The following STK32B variants were observed in gnomAD, a reference collection of about 807,000 sequenced individuals.
STK32B encodes the protein serine/threonine kinase 32B.
STK32B carries 43 observed loss-of-function variants against 52.6 expected under a neutral mutation model. That is an observed-to-expected ratio of 0.82 (90% CI 0.64 to 1.05). The LOEUF is 1.05. STK32B is among the 50% of genes least tolerant of loss of function. The pLI, the probability that STK32B is intolerant of heterozygous loss-of-function variation, is 0.00. For missense variants in STK32B, 621 were observed against 534.6 expected, an observed-to-expected ratio of 1.16 and a Z score of -1.59; for synonymous variants, 238 against 204.3, an observed-to-expected ratio of 1.17 and a Z score of -1.41.
At chr4:5,179,557 TA>T (rs1560202242) in intron 3 of STK32B, among the ~76,000 whole-genome samples, 1 of 152,102 alleles carries the variant, frequency 6.6e-6, no homozygotes, top group Non-Finnish European at 1.5e-5. Context: ...TAACAGATGA[TA>T]GATATAGATG....
intron 4 of STK32B, among the ~76,000 whole-genome samples, chr4:5,366,024 G>C (rs938210372): frequency 1.3e-5 from 2 of 151,776 alleles, no homozygotes; most frequent in African/African-American, 4.8e-5. Context: ...CTCCTGCCGT[G>C]TATTTATTTC....
At chr4:5,362,010 A>G (rs997243169) in intron 4 of STK32B, among the ~76,000 whole-genome samples, 7 of 152,216 alleles carry the variant, frequency 4.6e-5, no homozygotes, top group African/African-American at 1.7e-4. Context: ...CCATGAAACG[A>G]ACTTGAAAAT....
intron 3 of STK32B, among the ~76,000 whole-genome samples, chr4:5,264,738 G>C (rs1008671606): frequency 5.9e-5 from 9 of 152,054 alleles, no homozygotes; most frequent in African/African-American, 2.2e-4. Context: ...AGTGAGCCAA[G>C]ATTGCGCCAC....
intron 1 of STK32B, among the ~76,000 whole-genome samples, chr4:5,059,417 A>C (rs1388365015): frequency 6.6e-6 from 1 of 152,182 alleles, no homozygotes; most frequent in African/African-American, 2.4e-5. Flanking sequence ...TTTTATTGTT[A>C]ATGGCAGTTG....
At chr4:5,494,902 C>T (rs920432579) in intron 11 of STK32B, among the ~76,000 whole-genome samples, 2 of 152,154 alleles carry the variant, frequency 1.3e-5, no homozygotes, top group African/African-American at 4.8e-5. Flanking sequence ...TGGATATTGG[C>T]CCCCACTCTC....
At chr4:5,024,752 G>C in the STK32B span, among the ~76,000 whole-genome samples, 2 of 152,250 alleles carry the variant, frequency 1.3e-5, no homozygotes, top group African/African-American at 4.8e-5. Flanking sequence ...GTTAGAGCAA[G>C]CCAGAGTATT....
chr4:5,316,915 G>T (rs866153811), intron 3 of STK32B, among the ~76,000 whole-genome samples: 87 of 4,288 alleles, frequency 0.02, no homozygotes, highest in South Asian at 0.044. Context: ...TAATATATAT[G>T]ATATAATATA....
intron 2 of STK32B, among the ~76,000 whole-genome samples, chr4:5,164,687 G>A (rs751638262): frequency 1.3e-5 from 2 of 152,130 alleles, no homozygotes; most frequent in Non-Finnish European, 2.9e-5. Context: ...CAGGATCTCC[G>A]ATGAGCAGAA....
chr4:5,118,585 C>G (rs1017976865), intron 1 of STK32B, among the ~76,000 whole-genome samples: 4 of 152,322 alleles, frequency 2.6e-5, no homozygotes, highest in African/African-American at 7.2e-5. Context: ...GCCCTGGCCA[C>G]CTGTGCTGAG....
At chr4:5,281,781 G>A (rs1728214733) in intron 3 of STK32B, among the ~76,000 whole-genome samples, 1 of 152,162 alleles carries the variant, frequency 6.6e-6, no homozygotes, top group Non-Finnish European at 1.5e-5. Context: ...GGGGATGGAA[G>A]AGGACATAAT....
At chr4:5,051,475 C>G (rs1033222347), upstream of STK32B, 1 of 258,124 alleles carries the variant, frequency 3.9e-6, no homozygotes, top group South Asian at 8.2e-5. Context: ...CCTCCTCCCC[C>G]GCTCCTTCCC....
At chr4:5,145,005 A>G (rs1266647637) in intron 2 of STK32B, among the ~76,000 whole-genome samples, 4 of 152,224 alleles carry the variant, frequency 2.6e-5, no homozygotes, top group African/African-American at 9.6e-5. Flanking sequence ...GAACACTCAT[A>G]GTTTATGGGT....
In STK32B at chr4:5,316,133, TTA is replaced by T. The variant is rs1363593074; in HGVS notation, c.261-15074_261-15073del. ...ATAAATATATATATATATTTTCAAG[TTA>T]TATATATATATAACTAAATATATAT... On this transcript the variant is annotated intron_variant, in intron 3 of 11. Coordinates refer to ENST00000282908, the MANE Select transcript of STK32B (RefSeq NM_018401.3). 9.8e-4 allele frequency among the ~76,000 whole-genome samples: 98 copies of T among 100,422 alleles called. 1 individual carries two copies. Among genetic ancestry groups the T allele is most frequent in the African/African-American group, 2.8e-3 (37 of 13,448 alleles). 65.9% of individuals were successfully genotyped at this position (100,422 alleles called of 152,430 possible). A position where few individuals can be genotyped will look rare whatever the true frequency, so the allele number is the denominator to read the frequency against.
chr4:5,472,081 G>T (rs1717892421), intron 11 of STK32B, among the ~76,000 whole-genome samples: 1 of 152,208 alleles, frequency 6.6e-6, no homozygotes, highest in Non-Finnish European at 1.5e-5. Context: ...GCACCAAGCA[G>T]CAAGTAGGAG....
chr4:5,405,002 G>C (rs1176902233), intron 5 of STK32B, among the ~76,000 whole-genome samples: 1 of 151,228 alleles, frequency 6.6e-6, no homozygotes, highest in Non-Finnish European at 1.5e-5. Context: ...AAGTAGCTGG[G>C]ACTACAGGCG....
intron 3 of STK32B, among the ~76,000 whole-genome samples, chr4:5,236,041 G>T (rs924843795): frequency 6.6e-6 from 1 of 152,166 alleles, no homozygotes; most frequent in Non-Finnish European, 1.5e-5. Context: ...GAGGGGGTGG[G>T]TGTCTGCAGG....
In STK32B at chr4:5,466,812, G is replaced by A. The variant is rs767977596; in HGVS notation, c.1019G>A (p.Gly340Asp). 1.9e-6 allele frequency: 3 copies of A among 1,613,754 alleles called. No individual in the cohort carries two copies. The South Asian group carries it at 3.3e-5, about 18-fold the overall frequency. The stretch of plus-strand genomic sequence containing the variant: ...TTGGCAAAGAACAGATCCAGGGATG[G>A]CACAAAGGACAGCTGCCCGCTGGTG... ...KRLAKNRSRD[G>D]TKDSCPLNGH... The change falls in exon 10 of 12, where the codon GGC becomes GAC. Residue 340 changes from glycine (G) to aspartate (D), a missense_variant. Transcript: ENST00000282908.
At chr4:5,318,963 C>G (rs1047019644) in intron 3 of STK32B, among the ~76,000 whole-genome samples, 3 of 152,064 alleles carry the variant, frequency 2.0e-5, no homozygotes, top group African/African-American at 7.2e-5. Flanking sequence ...CCATGCCCAG[C>G]TAATTTTTTT....
At chr4:5,090,078 A>G (rs1458433450) in intron 1 of STK32B, among the ~76,000 whole-genome samples, 1 of 151,968 alleles carries the variant, frequency 6.6e-6, no homozygotes, top group Non-Finnish European at 1.5e-5. Flanking sequence ...TCTTGTAAAT[A>G]TGTTTAAGTT....
Sources: allele counts gnomAD v4.1 joint callset (sites outside exome capture counted in the v4.1 genomes callset), GRCh38; gene constraint gnomAD v4.1.1; transcripts MANE v1.5; gene names NCBI Gene and HGNC (gene_info 2026-07-23, HGNC 2026-07-21).